Variants in ATAD2B observed in about 807,000 individuals in gnomAD.
ATAD2B encodes ATPase family AAA domain containing 2B.
In ATAD2B, 40 loss-of-function variants were observed where a neutral mutation model predicts 167.6. The ratio of observed to expected loss-of-function variants is 0.24; its 90% CI spans 0.19 to 0.31. The LOEUF is 0.31. ATAD2B is among the 10% of genes least tolerant of loss of function. The pLI, the probability that ATAD2B is intolerant of heterozygous loss-of-function variation, is 1.00. For synonymous variants in ATAD2B, 579 were observed against 596.5 expected, an observed-to-expected ratio of 0.97 and a Z score of 0.43; for missense variants, 1,242 against 1,757.2, an observed-to-expected ratio of 0.71 and a Z score of 5.24.
the ATAD2B span, among the ~76,000 whole-genome samples, chr2:23,716,403 A>G: frequency 6.6e-6 from 1 of 152,064 alleles, no homozygotes; most frequent in Non-Finnish European, 1.5e-5. Flanking sequence ...TATAGAGATC[A>G]GGTATATTAG....
At chr2:23,881,803 G>T (rs188430005) in intron 6 of ATAD2B, among the ~76,000 whole-genome samples, 1 of 150,026 alleles carries the variant, frequency 6.7e-6, no homozygotes, top group African/African-American at 2.5e-5. Flanking sequence ...AGCTCACTGC[G>T]ACCTCTGCCT....
At chr2:23,698,272 G>GAGTA in the ATAD2B span, among the ~76,000 whole-genome samples, 1 of 34,100 alleles carries the variant, frequency 2.9e-5, no homozygotes, top group Non-Finnish European at 7.6e-5. Context: ...CAGCCCACCA[G>GAGTA]AGTCTGCCAA....
intron 12 of ATAD2B, among the ~76,000 whole-genome samples, chr2:23,861,198 G>A (rs1231867248): frequency 6.7e-6 from 1 of 149,154 alleles, no homozygotes; most frequent in East Asian, 2.0e-4. Flanking sequence ...CAAAAAGGAG[G>A]TAGGGCATAT....
At chr2:23,788,673 C>T (rs181202672) in intron 19 of ATAD2B, 26 bp from the exon 20 acceptor site, 2 of 1,508,404 alleles carry the variant, frequency 1.3e-6, no homozygotes, top group Non-Finnish European at 1.8e-6. Context: ...CACACAAAGA[C>T]ATTAAATATA....
rs1419111849 is a variant in ATAD2B at position 23,762,339 on chromosome 2, T to C, written c.3264A>G (p.Ser1088=). The change falls in exon 24 of 28, where the codon TCA becomes TCG. Residue 1088 remains serine (S), a synonymous_variant. Transcript: ENST00000238789. ...IKEARIKRGL[S]VTSEQINPHS... is the part of the protein sequence containing the mutation. ...GAGGATTTATTTGTTCTGATGTTAC[T>C]GATAAGCCTGCAAGCAGAAGATAAG... The C allele has an allele frequency of 6.2e-7, 1 of 1,611,980 alleles. No homozygotes were observed. The highest frequency in any genetic ancestry group is 8.5e-7 in the Non-Finnish European group (1 of 1,179,172).
At chr2:23,799,365 G>C (rs1683095457) in intron 18 of ATAD2B, among the ~76,000 whole-genome samples, 1 of 151,908 alleles carries the variant, frequency 6.6e-6, no homozygotes, top group Non-Finnish European at 1.5e-5. Context: ...TTGAGGTCAG[G>C]AGTTCAAGAC....
chr2:23,843,862 A>C (rs978310713), intron 13 of ATAD2B, among the ~76,000 whole-genome samples: 1 of 152,220 alleles, frequency 6.6e-6, no homozygotes, highest in African/African-American at 2.4e-5. Context: ...AAATACATAA[A>C]AGGATACTGC....
At chr2:23,754,426 A>T in intron 26 of ATAD2B, 119 bp from the exon 27 acceptor site, 1 of 1,216,022 alleles carries the variant, frequency 8.2e-7, no homozygotes, top group Non-Finnish European at 1.1e-6. Flanking sequence ...TGAACATGAA[A>T]TTAAAAGATT....
chr2:23,720,888 A>G, the ATAD2B span, among the ~76,000 whole-genome samples: 3 of 142,354 alleles, frequency 2.1e-5, no homozygotes, highest in East Asian at 6.6e-4. Context: ...CTGCTGTAGC[A>G]CTCTACCATC....
At chr2:23,815,018 T>C (rs1194269071) in intron 17 of ATAD2B, among the ~76,000 whole-genome samples, 1 of 147,384 alleles carries the variant, frequency 6.8e-6, no homozygotes, top group African/African-American at 2.5e-5. Context: ...ATCACACCAT[T>C]GCACTCCAGC....
At chr2:23,889,485 T>C (rs1350611477) in intron 2 of ATAD2B, among the ~76,000 whole-genome samples, 1 of 152,070 alleles carries the variant, frequency 6.6e-6, no homozygotes, top group African/African-American at 2.4e-5. Flanking sequence ...CTGCCTTCTA[T>C]GTGGTTTGCA....
chr2:23,739,799 A>G, the ATAD2B span, among the ~76,000 whole-genome samples: 984 of 150,614 alleles, frequency 6.5e-3, 23 homozygotes, highest in Non-Finnish European at 6.7e-3. Context: ...TTGATAGACC[A>G]CTAGCAAGAC....
chr2:23,878,581 C>T (rs941338258), intron 7 of ATAD2B, among the ~76,000 whole-genome samples: 2 of 151,968 alleles, frequency 1.3e-5, no homozygotes, highest in African/African-American at 2.4e-5. Flanking sequence ...ATGGCATGAA[C>T]CTGGGAGGCG....
At chr2:23,905,239 C>T (rs939428138) in intron 1 of ATAD2B, among the ~76,000 whole-genome samples, 1 of 152,168 alleles carries the variant, frequency 6.6e-6, no homozygotes, top group Non-Finnish European at 1.5e-5. Context: ...GCCACATGGT[C>T]AGGCATGATA....
intron 1 of ATAD2B, among the ~76,000 whole-genome samples, chr2:23,914,659 G>A (rs941959230): frequency 4.6e-5 from 7 of 151,676 alleles, no homozygotes; most frequent in African/African-American, 1.2e-4. Context: ...CTAACACAGC[G>A]AAACCCCGTC....
At position 23,926,572 on chromosome 2, in the gene ATAD2B, T is replaced by C. The variant is rs377387793; in HGVS notation, c.199A>G (p.Thr67Ala). The C allele has an allele frequency of 1.3e-6, 2 of 1,553,646 alleles. No individual in the cohort carries two copies. The change falls in exon 1 of 28, where the codon ACT becomes GCT. Residue 67 changes from threonine (T) to alanine (A), a missense_variant. Thr to Ala is a moderately conservative substitution (Grantham distance 58, BLOSUM62 0). Around this residue, in one of 9 missense-constraint regions of ATAD2B, gnomAD observed 199 missense variants for 194.9 expected, o/e 1.02. Transcript: ENST00000238789. The stretch of plus-strand genomic sequence containing the variant: ...GCTCTTACCCTGGCCTCATCCAGAG[T>C]GACGCCGGCGCCACCGCTTCCCCCG... ...KAGGSGGAGV[T>A]LDEARKVEVD...
chr2:23,817,403 C>T (rs892909560), intron 17 of ATAD2B, among the ~76,000 whole-genome samples: 4 of 152,148 alleles, frequency 2.6e-5, no homozygotes, highest in Admixed American at 2.0e-4. Context: ...TCTTTACATA[C>T]CAAGCAAGTA....
intron 13 of ATAD2B, among the ~76,000 whole-genome samples, chr2:23,852,408 C>G (rs1298846881): frequency 6.6e-6 from 1 of 152,062 alleles, no homozygotes; most frequent in Non-Finnish European, 1.5e-5. Flanking sequence ...TACAGGCATG[C>G]ACCATCACAC....
At chr2:23,904,602 A>C (rs2150452922) in intron 1 of ATAD2B, among the ~76,000 whole-genome samples, 1 of 151,496 alleles carries the variant, frequency 6.6e-6, no homozygotes, top group Non-Finnish European at 1.5e-5. Flanking sequence ...GGGAACTGTA[A>C]GAGAGAATAA....
Sources: gnomAD v4.1 joint callset for allele counts (sites outside exome capture counted in the v4.1 genomes callset) on GRCh38, gnomAD v4.1.1 for gene constraint, gnomAD v4.1.1 regional missense constraint, MANE v1.5 for transcripts, NCBI Gene and HGNC (gene_info 2026-07-23, HGNC 2026-07-21) for gene names.